ASAP1: variants seen among roughly 807,000 people sequenced by gnomAD.
ASAP1 encodes ArfGAP with SH3 domain, ankyrin repeat and PH domain 1, also known as arf-GAP with SH3 domain, ANK repeat and PH domain-containing protein 1.
A neutral mutation model predicts 145.2 loss-of-function variants in ASAP1; 43 were observed. That is an observed-to-expected ratio of 0.30 (90% CI 0.23 to 0.38). The LOEUF (loss-of-function observed/expected upper bound fraction) is 0.38, where lower values mean the gene tolerates loss of function less well. Among genes scored for constraint, ASAP1 ranks in the 10% least tolerant of loss-of-function variants. The pLI is 1.00. For missense variants in ASAP1, 1,018 were observed against 1,355.3 expected (o/e 0.75, Z 3.91); for synonymous variants, 546 against 515.5 (o/e 1.06, Z -0.80).
At chr8:130,334,253 A>C (rs189989709) in intron 3 of ASAP1, among the ~76,000 whole-genome samples, 1 of 152,334 alleles carries the variant, frequency 6.6e-6, no homozygotes, top group East Asian at 1.9e-4. Context: ...TTTGATTTTC[A>C]GGTAACAACA....
intron 3 of ASAP1, among the ~76,000 whole-genome samples, chr8:130,345,139 A>C (rs938212599): frequency 6.6e-6 from 1 of 152,290 alleles, no homozygotes. Flanking sequence ...GTTGCCTAAC[A>C]AAGTGTTGTG....
chr8:130,261,434 AG>A (rs1819889900), intron 3 of ASAP1, among the ~76,000 whole-genome samples: 1 of 152,140 alleles, frequency 6.6e-6, no homozygotes, highest in Non-Finnish European at 1.5e-5. Flanking sequence ...CTCTACTTCC[AG>A]GGGGTAGGTT....
At chr8:130,207,872 A>G (rs1244081209) in intron 5 of ASAP1, among the ~76,000 whole-genome samples, 1 of 152,190 alleles carries the variant, frequency 6.6e-6, no homozygotes, top group Non-Finnish European at 1.5e-5. Context: ...TAGGACTTCA[A>G]TTAGAGGAAG....
chr8:130,210,339 G>A (rs988288381), intron 5 of ASAP1, among the ~76,000 whole-genome samples: 2 of 152,094 alleles, frequency 1.3e-5, no homozygotes, highest in African/African-American at 4.8e-5. Context: ...TTTAAAGTGG[G>A]TTTATTTTAA....
intron 23 of ASAP1, 52 bp from the exon 24 acceptor site, chr8:130,112,374 T>C (rs1345565195): frequency 6.5e-7 from 1 of 1,532,124 alleles, no homozygotes; most frequent in East Asian, 2.3e-5. Flanking sequence ...ACCCTTCATG[T>C]GTACAGAGGG....
chr8:130,076,287 G>T, intron 27 of ASAP1, 61 bp downstream of exon 27: 1 of 1,273,526 alleles, frequency 7.9e-7, no homozygotes, highest in Non-Finnish European at 1.1e-6. Flanking sequence ...AAAACCTTGG[G>T]CCCCTTGGAG....
intron 27 of ASAP1, among the ~76,000 whole-genome samples, chr8:130,073,291 G>A (rs570408202): frequency 6.6e-5 from 10 of 151,948 alleles, no homozygotes; most frequent in Admixed American, 2.6e-4. Flanking sequence ...TTGGGAGGCC[G>A]AGGCAGGAGA....
chr8:130,391,174 A>G (rs1268468912), intron 2 of ASAP1, among the ~76,000 whole-genome samples: 1 of 149,844 alleles, frequency 6.7e-6, no homozygotes, highest in Non-Finnish European at 1.5e-5. Context: ...GTAAGGCAGT[A>G]ACAAAAAGAC....
intron 25 of ASAP1, among the ~76,000 whole-genome samples, chr8:130,086,033 G>C (rs1013467054): frequency 2.6e-5 from 4 of 152,230 alleles, no homozygotes; most frequent in African/African-American, 9.6e-5. Flanking sequence ...GCTGCAGATG[G>C]ATAAGGAGGC....
At chr8:130,077,649 G>A (rs1270312478) in intron 26 of ASAP1, among the ~76,000 whole-genome samples, 1 of 145,920 alleles carries the variant, frequency 6.9e-6, no homozygotes, top group Non-Finnish European at 1.5e-5. Flanking sequence ...GGGATCAAGC[G>A]ATTCTTGTGC....
chr8:130,161,402 T>C (rs1300889526), intron 11 of ASAP1, among the ~76,000 whole-genome samples: 1 of 152,142 alleles, frequency 6.6e-6, no homozygotes, highest in East Asian at 1.9e-4. Flanking sequence ...TGATGCAAAA[T>C]TAATATAAGT....
chr8:130,222,035 T>C (rs1179271790), intron 4 of ASAP1, among the ~76,000 whole-genome samples: 3 of 152,198 alleles, frequency 2.0e-5, no homozygotes, highest in Admixed American at 1.3e-4. Context: ...GGCCACTGCA[T>C]TGGAGCCAGC....
intron 3 of ASAP1, among the ~76,000 whole-genome samples, chr8:130,279,178 C>T (rs954500793): frequency 6.6e-6 from 1 of 152,108 alleles, no homozygotes; most frequent in Non-Finnish European, 1.5e-5. Context: ...AACAGAAGTA[C>T]ACGAATCCTA....
chr8:130,325,014 G>A (rs1335017300), intron 3 of ASAP1, among the ~76,000 whole-genome samples: 1 of 152,152 alleles, frequency 6.6e-6, no homozygotes, highest in Non-Finnish European at 1.5e-5. Context: ...CGGCAGCCCT[G>A]CTTGCAGGCC....
In ASAP1 at chr8:130,053,315, G is replaced by A. The variant is rs1468157285; in HGVS notation, c.*1416C>T. The A allele has an allele frequency of 6.6e-6, 1 of 152,170 alleles. No homozygotes were observed. The highest frequency in any genetic ancestry group is 2.4e-5 in the African/African-American group (1 of 41,442). The allele number at this position is 152,170 out of a possible 1,614,324, so 9.4% of individuals were successfully genotyped here. On this transcript the variant is annotated 3_prime_UTR_variant, in exon 30 of 30. Coordinates refer to ENST00000518721, the MANE Select transcript of ASAP1 (RefSeq NM_018482.4). The stretch of plus-strand genomic sequence containing the variant: ...AGTGCCAGAATGACACATGAGCCTC[G>A]GACTCAGGGAACAGTTCCACTGACT...
At chr8:130,070,493 T>C (rs941822871) in intron 27 of ASAP1, among the ~76,000 whole-genome samples, 2 of 152,080 alleles carry the variant, frequency 1.3e-5, no homozygotes, top group African/African-American at 4.8e-5. Context: ...GAGTAGAAGC[T>C]AGAGTGCTGG....
chr8:130,178,262 C>T (rs568006513), intron 9 of ASAP1, among the ~76,000 whole-genome samples: 13 of 152,276 alleles, frequency 8.5e-5, no homozygotes, highest in African/African-American at 3.1e-4. Context: ...CCATTATTTT[C>T]GGTATAACTT....
chr8:130,115,625 C>T lies in ASAP1; in HGVS notation c.2172+3G>A, dbSNP rs759451263. ...AGAATTCGAGGACATAATTTACACT[C>T]ACTTTGTCATCCAGATCATCATCGC... On this transcript the variant is annotated splice_donor_region_variant and intron_variant, in intron 23 of 29. Coordinates refer to ENST00000518721, the MANE Select transcript of ASAP1 (RefSeq NM_018482.4). 3 of 1,609,230 alleles carry T rather than the reference C, an allele frequency of 1.9e-6. No homozygotes were observed. In the Admixed American group the frequency reaches 5.0e-5, roughly 27 times the overall value.
chr8:130,177,428 T>C (rs750022028), intron 9 of ASAP1, among the ~76,000 whole-genome samples: 1 of 152,228 alleles, frequency 6.6e-6, no homozygotes, highest in Non-Finnish European at 1.5e-5. Flanking sequence ...AGAGATTCAC[T>C]TATTTCTTTA....
Sources: allele counts gnomAD v4.1 joint callset (sites outside exome capture counted in the v4.1 genomes callset), GRCh38; gene constraint gnomAD v4.1.1; transcripts MANE v1.5; gene names NCBI Gene and HGNC (gene_info 2026-07-23, HGNC 2026-07-21).